Variants in TSHZ3 observed in about 807,000 individuals in gnomAD.
TSHZ3 encodes teashirt zinc finger homeobox 3.
In TSHZ3, 10 loss-of-function variants were observed where a neutral mutation model predicts 64.5. The observed-to-expected ratio is 0.16, with a 90% CI of 0.10 to 0.26. The LOEUF (loss-of-function observed/expected upper bound fraction) is 0.26, where lower values mean the gene tolerates loss of function less well. Among genes scored for constraint, TSHZ3 ranks in the 10% least tolerant of loss-of-function variants. The probability of loss-of-function intolerance (pLI) is 1.00; values close to 1 mark genes in which losing one functional copy is unlikely to be tolerated. For missense variants in TSHZ3, 1,242 were observed against 1,421.7 expected (o/e 0.87, Z 2.03); for synonymous variants, 608 against 593.1 (o/e 1.03, Z -0.36).
In TSHZ3 at chr19:31,276,600, C is replaced by T. The variant is rs1171804404; in HGVS notation, c.3193G>A (p.Gly1065Arg). ...AGAAGGTGGTCTTCCGGAGATTTCCCGTGTGTTTTGCTAAGGTGAAGTTTA... is the reference window on the plus strand; with the variant it reads ...AGAAGGTGGTCTTCCGGAGATTTCCTGTGTGTTTTGCTAAGGTGAAGTTTA... ...AVKLHLSKTH[G>R]KSPEDHLLYV... is the part of the protein sequence containing the mutation. The change falls in exon 2 of 2, where the codon GGG becomes AGG. Residue 1065 changes from glycine (G) to arginine (R), a missense_variant. Coordinates refer to ENST00000240587, the MANE Select transcript of TSHZ3 (RefSeq NM_020856.4). 3.8e-6 allele frequency: 6 copies of T among 1,596,298 alleles called. No individual in the cohort carries two copies. The South Asian group carries it at 4.5e-5, about 12-fold the overall frequency.
chr19:31,206,700 T>C (rs1975183759), intron 4 of TSHZ3, among the ~76,000 whole-genome samples: 1 of 152,190 alleles, frequency 6.6e-6, no homozygotes. Context: ...AGCCCCTAAG[T>C]AGAAAGAAAT....
chr19:31,219,948 G>A (rs1463417439), intron 4 of TSHZ3, among the ~76,000 whole-genome samples: 3 of 151,738 alleles, frequency 2.0e-5, no homozygotes, highest in Admixed American at 2.0e-4. Context: ...AAGATCAATT[G>A]ATCAATTGAT....
At chr19:31,264,020 C>T (rs1341600333) in intron 1 of TSHZ3, among the ~76,000 whole-genome samples, 1 of 152,138 alleles carries the variant, frequency 6.6e-6, no homozygotes, top group African/African-American at 2.4e-5. Context: ...GGAGCTCTCC[C>T]ACCCGACCAA....
rs967670315 is a variant in TSHZ3, at chr19:31,188,509, A to G, written n.809+16447T>C. Among the ~76,000 whole-genome samples the G allele has an allele frequency of 2.0e-5, 3 of 151,966 alleles. No individual in the cohort carries two copies. In the South Asian group the frequency reaches 6.2e-4, roughly 31 times the overall value. On this transcript the variant is annotated intron_variant and non_coding_transcript_variant, in intron 5 of 6. Coordinates refer to the TSHZ3 transcript ENST00000651361. ...TCCTTCTAGTCTTCTTTCACAAAAA[A>G]GTTTTTTTATGAATAAGTGTTGAAA...
At chr19:31,331,280 C>G (rs1917084771) in intron 1 of TSHZ3, among the ~76,000 whole-genome samples, 1 of 152,132 alleles carries the variant, frequency 6.6e-6, no homozygotes. Context: ...ATAGTAAGCA[C>G]TTTATTATCT....
At chr19:31,274,935 C>T (rs1044135407), downstream of TSHZ3, 2 of 152,040 alleles carry the variant, frequency 1.3e-5, no homozygotes, top group African/African-American at 2.4e-5. Flanking sequence ...ATTGTGAACG[C>T]AACACAAAAT....
chr19:31,334,514 G>T (rs987637250), intron 1 of TSHZ3, among the ~76,000 whole-genome samples: 16 of 152,176 alleles, frequency 1.1e-4, no homozygotes, highest in Non-Finnish European at 1.6e-4. Flanking sequence ...AGTCACACTG[G>T]TTAATTTCTG....
intron 4 of TSHZ3, among the ~76,000 whole-genome samples, chr19:31,225,529 T>C (rs1202657917): frequency 6.6e-6 from 1 of 152,204 alleles, no homozygotes; most frequent in Non-Finnish European, 1.5e-5. Flanking sequence ...TCCTGCACTT[T>C]ATGGAAAAAT....
rs1027250210 is a variant in TSHZ3, at chr19:31,278,456, G to C, written c.1337C>G (p.Pro446Arg). 2 of 1,614,142 alleles carry C rather than the reference G, an allele frequency of 1.2e-6. No homozygotes were observed. The highest frequency in any genetic ancestry group is 3.3e-5 in the Admixed American group (2 of 60,024). The change falls in exon 2 of 2, where the codon CCC becomes CGC. Residue 446 changes from proline (P) to arginine (R), a missense_variant. This residue lies in a region of TSHZ3 where 555 missense variants were observed against 704.0 expected (regional missense o/e 0.79). Coordinates refer to ENST00000240587, the MANE Select transcript of TSHZ3 (RefSeq NM_020856.4). This position sits in a 1 kb window ranked among gnomAD's most constrained non-coding sequence, Gnocchi z 4.7. ...TLLDEKVQSV[P>R]LAATTFTSPS... The stretch of plus-strand genomic sequence containing the variant: ...GGACGTGAAGGTGGTGGCTGCCAGG[G>C]GCACGGACTGGACCTTCTCATCCAG...
At chr19:31,241,267 T>C (rs918700899) in intron 3 of TSHZ3, among the ~76,000 whole-genome samples, 1 of 152,184 alleles carries the variant, frequency 6.6e-6, no homozygotes, top group Non-Finnish European at 1.5e-5. Context: ...CCCTCTAATT[T>C]GACAGGACTC....
At chr19:31,231,544 ATG>A (rs2145176209) in intron 3 of TSHZ3, among the ~76,000 whole-genome samples, 1 of 152,148 alleles carries the variant, frequency 6.6e-6, no homozygotes, top group Admixed American at 6.6e-5. Context: ...AGTGTAAAAC[ATG>A]ATGTTTTTTC....
At chr19:31,309,787 G>A (rs151109699) in intron 1 of TSHZ3, among the ~76,000 whole-genome samples, 4 of 152,130 alleles carry the variant, frequency 2.6e-5, no homozygotes, top group East Asian at 1.9e-4. Context: ...GGAAGCTGTC[G>A]CCAGCTTTCT....
At chr19:31,166,647 T>G (rs965281981) in intron 5 of TSHZ3, among the ~76,000 whole-genome samples, 4 of 152,102 alleles carry the variant, frequency 2.6e-5, no homozygotes, top group African/African-American at 9.7e-5. Flanking sequence ...AGGCTTTGGG[T>G]TCACAGGAAG....
chr19:31,313,984 G>A (rs186417100), intron 1 of TSHZ3, among the ~76,000 whole-genome samples: 37 of 152,276 alleles, frequency 2.4e-4, no homozygotes, highest in Non-Finnish European at 3.2e-4. Flanking sequence ...GGGTAATGAC[G>A]GTGAGCCTTT....
chr19:31,227,138 C>A (rs1975477411), intron 4 of TSHZ3, among the ~76,000 whole-genome samples: 1 of 151,776 alleles, frequency 6.6e-6, no homozygotes, highest in East Asian at 1.9e-4. Context: ...GCCACCATGC[C>A]TGGATAACTT....
chr19:31,178,127 T>C (rs140297516), intron 5 of TSHZ3, among the ~76,000 whole-genome samples: 507 of 152,254 alleles, frequency 3.3e-3, no homozygotes, highest in African/African-American at 0.011. Flanking sequence ...TAGCTCAGGG[T>C]TAGCAAATAG....
At chr19:31,225,215 G>A (rs775173310) in intron 4 of TSHZ3, among the ~76,000 whole-genome samples, 12 of 152,192 alleles carry the variant, frequency 7.9e-5, no homozygotes, top group Non-Finnish European at 1.6e-4. Context: ...TGAGCATCCC[G>A]AATGGCATTA....
intron 1 of TSHZ3, among the ~76,000 whole-genome samples, chr19:31,327,884 G>A (rs1021494180): frequency 9.2e-5 from 14 of 152,204 alleles, no homozygotes; most frequent in African/African-American, 3.1e-4. Context: ...TTTGTTTAGT[G>A]TTCTCTTTCT....
At chr19:31,200,823 T>G (rs1234634518) in intron 5 of TSHZ3, among the ~76,000 whole-genome samples, 1 of 152,040 alleles carries the variant, frequency 6.6e-6, no homozygotes, top group East Asian at 1.9e-4. Flanking sequence ...TGTGCATGTG[T>G]GTGGGAAGGG....
Sources: allele counts gnomAD v4.1 joint callset (sites outside exome capture counted in the v4.1 genomes callset), GRCh38; gene constraint gnomAD v4.1.1; regional missense constraint gnomAD v4.1.1; non-coding constraint Gnocchi (gnomAD v3.1); transcripts MANE v1.5; gene names NCBI Gene and HGNC (gene_info 2026-07-23, HGNC 2026-07-21).